CDCA5: variants seen among roughly 807,000 people sequenced by gnomAD.
CDCA5 encodes the protein cell division cycle associated 5, also known as sororin.
CDCA5 carries 14 observed loss-of-function variants against 25.7 expected under a neutral mutation model. That is an observed-to-expected ratio of 0.54 (90% CI 0.36 to 0.85). The LOEUF is 0.85. CDCA5 is among the 40% of genes least tolerant of loss of function. The pLI is 0.01. For synonymous variants in CDCA5, 127 were observed against 128.7 expected, an observed-to-expected ratio of 0.99 and a Z score of 0.09; for missense variants, 307 against 324.5, an observed-to-expected ratio of 0.95 and a Z score of 0.41.
Position 65,080,144 on chromosome 11 carries a change from C to T in CDCA5, c.244-357G>A, listed in dbSNP as rs1432831948. On this transcript the variant is annotated intron_variant, in intron 4 of 5. Transcript: ENST00000275517. ...TGACCTCGTGATCCGCCCGCCTCGG[C>T]CTCCCAAAGTGCTGGGATTACAGGC... is the stretch of plus-strand genomic sequence containing the variant. 3.3e-5 allele frequency among the ~76,000 whole-genome samples: 5 copies of T among 152,310 alleles called. No individual in the cohort carries two copies. In the East Asian group the frequency reaches 9.7e-4, roughly 29 times the overall value.
In CDCA5 at chr11:65,079,470, T is replaced by C; in HGVS notation, c.561A>G (p.Lys187=). 2 of 1,613,924 alleles carry C rather than the reference T, an allele frequency of 1.2e-6. No homozygotes were observed. Among genetic ancestry groups the C allele is most frequent in the Non-Finnish European group, 1.7e-6 (2 of 1,179,972 alleles). The change falls in exon 5 of 6, where the codon AAA becomes AAG. Residue 187 remains lysine, a synonymous_variant. Transcript: ENST00000275517. ...CACAAACCCTGGGGACCTCGGTGAGTTTGGAGCACACCACTGGCGAGACTC... is the reference window on the plus strand; with the variant it reads ...CACAAACCCTGGGGACCTCGGTGAGCTTGGAGCACACCACTGGCGAGACTC... The part of the protein sequence containing the change: ...LSGVSPVVCS[K]LTEVPRVCAK...
rs1565280987 is a variant in CDCA5 at position 65,077,701 on chromosome 11, T to C, written c.*1406A>G. On this transcript the variant is annotated 3_prime_UTR_variant, in exon 6 of 6. Transcript: ENST00000275517. Reference sequence around the variant, plus strand: ...CACCTAGGCTTCCCCAGCAGGGGGCTTGCTTGCAGGTCTGACAAACCACAG... The same window carrying C: ...CACCTAGGCTTCCCCAGCAGGGGGCCTGCTTGCAGGTCTGACAAACCACAG... 3.3e-5 allele frequency: 33 copies of C among 985,414 alleles called. No homozygotes were observed. The highest frequency in any genetic ancestry group is 4.0e-5 in the Non-Finnish European group (33 of 830,000). 61.0% of individuals were successfully genotyped at this position (985,414 alleles called of 1,614,324 possible).
In CDCA5 at chr11:65,083,708, G is replaced by A; in HGVS notation, c.62C>T (p.Ser21Phe). The change falls in exon 2 of 6, where the codon TCT becomes TTT. Residue 21 changes from serine (S) to phenylalanine (F), a missense_variant. Ser to Phe is a radical substitution (Grantham distance 155). Transcript: ENST00000275517. ...AAQRSGPRAP[S>F]PTKPLRRSQR... ...GGACCTCCGCAGAGGCTTAGTAGGAGATGGGGCCCTTGGCCCTGGAAAGAG... is the reference window on the plus strand; with the variant it reads ...GGACCTCCGCAGAGGCTTAGTAGGAAATGGGGCCCTTGGCCCTGGAAAGAG... 6.2e-7 allele frequency: 1 copy of A among 1,613,786 alleles called. No individual in the cohort carries two copies. The highest frequency in any genetic ancestry group is 8.5e-7 in the Non-Finnish European group (1 of 1,179,888).
At position 65,079,744 on chromosome 11, in the gene CDCA5, T is replaced by G; in HGVS notation, c.287A>C (p.Glu96Ala). ...LEKENEPPGRELTKEDLFKTH... is the reference protein window; with the variant it reads ...LEKENEPPGRALTKEDLFKTH... Reference sequence around the variant, plus strand: ...CTTGAAAAGGTCCTCCTTAGTAAGCTCCCTGCCAGGGGGCTCGTTTTCTTT... The same window carrying G: ...CTTGAAAAGGTCCTCCTTAGTAAGCGCCCTGCCAGGGGGCTCGTTTTCTTT... The change falls in exon 5 of 6, where the codon GAG (glutamate) becomes GCG (alanine). Residue 96 changes from glutamate to alanine, a missense_variant. Transcript: ENST00000275517. The G allele has an allele frequency of 6.7e-7, 1 of 1,499,486 alleles. No homozygotes were observed. The highest frequency in any genetic ancestry group is 1.4e-5 in the African/African-American group (1 of 71,070). 92.9% of individuals were successfully genotyped at this position (1,499,486 alleles called of 1,614,324 possible). A position where few individuals can be genotyped will look rare whatever the true frequency, so the allele number is the denominator to read the frequency against.
chr11:65,061,777 G>GAAAA (rs781316054), downstream of CDCA5, among the ~76,000 whole-genome samples: 7 of 81,520 alleles, frequency 8.6e-5, no homozygotes, highest in African/African-American at 1.6e-4. Flanking sequence ...TCCGTCTCAA[G>GAAAA]AAAAAAAAAA....
rs747237261 is a variant in CDCA5, at chr11:65,069,592, G to A, written c.64-991C>T. 4.6e-5 allele frequency among the ~76,000 whole-genome samples: 7 copies of A among 152,118 alleles called. No homozygotes were observed. In the East Asian group the frequency reaches 5.8e-4, roughly 13 times the overall value. ...TCTGTCACCAGGAGAACCTGGCTGC[G>A]TATAACAAGATCCACAGAACGATGG... is the stretch of plus-strand genomic sequence containing the variant. On this transcript the variant is annotated intron_variant, in intron 1 of 6. Transcript: ENST00000525464.
At chr11:65,083,243 G>T in intron 4 of CDCA5, 121 bp downstream of exon 4, 1 of 1,149,614 alleles carries the variant, frequency 8.7e-7, no homozygotes, top group Non-Finnish European at 1.3e-6. Flanking sequence ...GTGCCCACAG[G>T]CAAACTGTTT....
chr11:65,078,298 G>A lies in CDCA5; in HGVS notation c.*809C>T, dbSNP rs1947486757. 1 of 985,390 alleles carries A rather than the reference G, an allele frequency of 1.0e-6. No individual in the cohort carries two copies. The highest frequency in any genetic ancestry group is 6.1e-5 in the Admixed American group (1 of 16,266). The allele number at this position is 985,390 out of a possible 1,614,324, so 61.0% of individuals were successfully genotyped here. ...GTGGTAAGACTCCAGCGTGGGCCCT[G>A]TGCAAGGGACCAGCCCAGAGGCCAT... On this transcript the variant is annotated 3_prime_UTR_variant, in exon 6 of 6. Transcript: ENST00000275517.
Position 65,078,530 on chromosome 11 carries a change from GA to G in CDCA5, c.*576del, listed in dbSNP as rs1399378675. On this transcript the variant is annotated 3_prime_UTR_variant, in exon 6 of 6. Coordinates refer to ENST00000275517, the MANE Select transcript of CDCA5 (RefSeq NM_080668.4). ...CTTCAAAACTCAGACTCCACAGGCT[GA>G]ATGTCCAGCTTCTTCCTCCAAGACA... is the stretch of plus-strand genomic sequence containing the variant. The G allele has an allele frequency of 9.5e-5, 94 of 985,538 alleles. No individual in the cohort carries two copies. The highest frequency in any genetic ancestry group is 1.1e-4 in the Non-Finnish European group (91 of 830,082). The allele number at this position is 985,538 out of a possible 1,614,324, so 61.0% of individuals were successfully genotyped here.
intron 1 of CDCA5, among the ~76,000 whole-genome samples, chr11:65,070,161 G>A (rs1465553365): frequency 1.3e-5 from 2 of 152,266 alleles, no homozygotes; most frequent in African/African-American, 2.4e-5. Context: ...CACAGGGGAC[G>A]AGGAGGCATA....
chr11:65,081,427 CAA>C (rs528998200), intron 4 of CDCA5, among the ~76,000 whole-genome samples: 4 of 134,858 alleles, frequency 3.0e-5, no homozygotes, highest in Non-Finnish European at 3.2e-5. Context: ...GACTCCATCT[CAA>C]AAAAAAAAAA....
At chr11:65,063,372 T>C (rs1430276563), downstream of CDCA5, among the ~76,000 whole-genome samples, 1 of 152,168 alleles carries the variant, frequency 6.6e-6, no homozygotes, top group Admixed American at 6.5e-5. Context: ...ACACTGGTAC[T>C]CAGAGCTGCT....
downstream of CDCA5, among the ~76,000 whole-genome samples, chr11:65,074,322 C>T (rs916902109): frequency 6.6e-6 from 1 of 152,184 alleles, no homozygotes; most frequent in Non-Finnish European, 1.5e-5. Context: ...ACCCACCAAC[C>T]TTGGCCTCCC....
intron 3 of CDCA5, chr11:65,067,998 C>T: frequency 7.9e-7 from 1 of 1,270,060 alleles, no homozygotes; most frequent in Non-Finnish European, 1.0e-6. Flanking sequence ...GGCACTCTCT[C>T]TCTCTCTCTC....
At position 65,078,066 on chromosome 11, in the gene CDCA5, G is replaced by A. The variant is rs993661802; in HGVS notation, c.*1041C>T. 1.2e-5 allele frequency: 12 copies of A among 985,262 alleles called. No homozygotes were observed. The highest frequency in any genetic ancestry group is 1.7e-5 in the African/African-American group (1 of 57,204). 61.0% of individuals were successfully genotyped at this position (985,262 alleles called of 1,614,324 possible). ...GTGTTCTCATGTGAGAGGATAGGGA[G>A]GCCAAAAACTAAAATTGCTATCAGC... On this transcript the variant is annotated 3_prime_UTR_variant, in exon 6 of 6. Coordinates refer to ENST00000275517, the MANE Select transcript of CDCA5 (RefSeq NM_080668.4).
exon 5 of CDCA5, chr11:65,066,865 A>C (rs755498243): frequency 1.6e-6 from 2 of 1,289,294 alleles, no homozygotes; most frequent in South Asian, 2.5e-5. Context: ...GGTGGTGTTC[A>C]GTGACTCCCG....
At chr11:65,077,267 A>G (rs1330467905), downstream of CDCA5, among the ~76,000 whole-genome samples, 1 of 151,990 alleles carries the variant, frequency 6.6e-6, no homozygotes, top group Non-Finnish European at 1.5e-5. Context: ...AGCCTGGGAG[A>G]CAGAGCTAGA....
chr11:65,075,777 G>A (rs1265591642), downstream of CDCA5, among the ~76,000 whole-genome samples: 1 of 152,214 alleles, frequency 6.6e-6, no homozygotes, highest in Non-Finnish European at 1.5e-5. Context: ...TGGAGATAAA[G>A]ATGGACAAGT....
At chr11:65,083,876 C>T (rs2137158287) in intron 1 of CDCA5, 57 bp downstream of exon 1, 2 of 1,606,564 alleles carry the variant, frequency 1.2e-6, no homozygotes, top group Non-Finnish European at 1.7e-6. Flanking sequence ...CCATCTTTCA[C>T]CGGACTGCGT....
Sources: allele counts gnomAD v4.1 joint callset (sites outside exome capture counted in the v4.1 genomes callset), GRCh38; gene constraint gnomAD v4.1.1; transcripts MANE v1.5; gene names NCBI Gene and HGNC (gene_info 2026-07-23, HGNC 2026-07-21).